CDH18: variants seen among roughly 807,000 people sequenced by gnomAD.
CDH18 encodes the protein cadherin-18.
A neutral mutation model predicts 67.9 loss-of-function variants in CDH18; 31 were observed. That is an observed-to-expected ratio of 0.46 (90% CI 0.34 to 0.62). The LOEUF is 0.62. Ranked by LOEUF, CDH18 falls within the 20% of genes least tolerant of loss-of-function variation. The pLI, the probability that CDH18 is intolerant of heterozygous loss-of-function variation, is 0.01. For missense variants in CDH18, 890 were observed against 975.5 expected (o/e 0.91, Z 1.17); for synonymous variants, 362 against 347.2 (o/e 1.04, Z -0.48).
At chr5:19,963,665 C>T (rs1339223676) in intron 2 of CDH18, among the ~76,000 whole-genome samples, 1 of 152,084 alleles carries the variant, frequency 6.6e-6, no homozygotes, top group African/African-American at 2.4e-5. Flanking sequence ...GCCTCCCCAG[C>T]CATGCTGAAC....
At chr5:20,440,144 C>A (rs1441746936) in intron 1 of CDH18, among the ~76,000 whole-genome samples, 1 of 151,922 alleles carries the variant, frequency 6.6e-6, no homozygotes, top group Admixed American at 6.6e-5. Context: ...GAAGGATATT[C>A]ATTCAACAAC....
chr5:19,853,122 A>G (rs1003248498), intron 2 of CDH18, among the ~76,000 whole-genome samples: 1 of 152,096 alleles, frequency 6.6e-6, no homozygotes, highest in African/African-American at 2.4e-5. Context: ...GGTGGCTTAA[A>G]TAACAGAAAT....
chr5:19,826,271 G>C (rs1246052146), intron 3 of CDH18, among the ~76,000 whole-genome samples: 3 of 152,108 alleles, frequency 2.0e-5, no homozygotes, highest in African/African-American at 4.8e-5. Context: ...CGCTGAAAGA[G>C]AGGAAGAGAA....
intron 7 of CDH18, among the ~76,000 whole-genome samples, chr5:19,573,781 A>T (rs1741854883): frequency 6.6e-6 from 1 of 152,216 alleles, no homozygotes; most frequent in East Asian, 1.9e-4. Flanking sequence ...CTCTTGGCTT[A>T]TAAGAGCTGG....
rs552377832 is a variant in CDH18 at position 20,121,833 on chromosome 5, T to G, written c.-517-129819A>C. ...TTCTGTTAGTAAGCTGCTGCAAAAT[T>G]TTCTGAAAAATAAAAGTAGCTCAAA... On this transcript the variant is annotated intron_variant, in intron 2 of 14. Transcript: ENST00000507958. Among the ~76,000 whole-genome samples, 49 of 152,190 alleles carry G rather than the reference T, an allele frequency of 3.2e-4. 1 individual carries two copies. Among genetic ancestry groups the G allele is most frequent in the Non-Finnish European group, 5.4e-4 (37 of 67,996 alleles).
At chr5:19,538,821 T>A (rs1749804499) in intron 9 of CDH18, among the ~76,000 whole-genome samples, 1 of 152,198 alleles carries the variant, frequency 6.6e-6, no homozygotes. Flanking sequence ...TTTCTCTTGT[T>A]GGCATAAATC....
chr5:19,876,262 C>T (rs776178689), intron 2 of CDH18, among the ~76,000 whole-genome samples: 11 of 152,040 alleles, frequency 7.2e-5, no homozygotes, highest in Non-Finnish European at 1.5e-4. Flanking sequence ...TAACTTGAGT[C>T]TCAGATAAAC....
chr5:20,216,876 A>G (rs1740821654), intron 2 of CDH18, among the ~76,000 whole-genome samples: 1 of 152,020 alleles, frequency 6.6e-6, no homozygotes, highest in Non-Finnish European at 1.5e-5. Flanking sequence ...AAAAGCAGAA[A>G]GAGCAAGAGC....
At chr5:19,914,585 T>G (rs1397744517) in intron 2 of CDH18, among the ~76,000 whole-genome samples, 1 of 152,122 alleles carries the variant, frequency 6.6e-6, no homozygotes, top group African/African-American at 2.4e-5. Flanking sequence ...AGTGTATATG[T>G]ATATATCCAC....
At chr5:19,668,345 A>G (rs543235170) in intron 5 of CDH18, among the ~76,000 whole-genome samples, 1 of 150,942 alleles carries the variant, frequency 6.6e-6, no homozygotes, top group Non-Finnish European at 1.5e-5. Flanking sequence ...TAAAGTCCTC[A>G]TTAATAGTCT....
intron 1 of CDH18, among the ~76,000 whole-genome samples, chr5:20,352,442 CT>C (rs1741264795): frequency 6.6e-6 from 1 of 151,852 alleles, no homozygotes; most frequent in African/African-American, 2.4e-5. Flanking sequence ...GTTGAAAGGT[CT>C]ACTATGATTA....
At position 20,319,603 on chromosome 5, in the gene CDH18, C is replaced by G. The variant is rs548805236; in HGVS notation, c.-579-64098G>C. On this transcript the variant is annotated intron_variant, in intron 1 of 14. Coordinates refer to the CDH18 transcript ENST00000507958. Reference sequence around the variant, plus strand: ...ATTTTTAGGGATTTAGCTTGCATAACCACAAAACATGTTAATCTTGATGAA... The same window carrying G: ...ATTTTTAGGGATTTAGCTTGCATAAGCACAAAACATGTTAATCTTGATGAA... Among the ~76,000 whole-genome samples, 6 of 152,190 alleles carry G rather than the reference C, an allele frequency of 3.9e-5. No homozygotes were observed. In the South Asian group the frequency reaches 1.2e-3, roughly 32 times the overall value.
At chr5:20,004,010 T>C (rs1162368121) in intron 2 of CDH18, among the ~76,000 whole-genome samples, 1 of 152,196 alleles carries the variant, frequency 6.6e-6, no homozygotes, top group South Asian at 2.1e-4. Context: ...TAATATATCG[T>C]TTTTTGTATC....
chr5:19,888,624 A>T (rs1365102967), intron 2 of CDH18, among the ~76,000 whole-genome samples: 4 of 152,120 alleles, frequency 2.6e-5, no homozygotes, highest in African/African-American at 9.6e-5. Context: ...AAATCTGCTA[A>T]AATTATTTAC....
At chr5:19,988,797 T>C (rs940645415), upstream of CDH18, among the ~76,000 whole-genome samples, 3 of 152,120 alleles carry the variant, frequency 2.0e-5, no homozygotes, top group African/African-American at 4.8e-5. Context: ...CATAGTCCAG[T>C]GGTAGCCATG....
At chr5:20,427,585 T>C (rs1391174328) in intron 1 of CDH18, among the ~76,000 whole-genome samples, 2 of 151,162 alleles carry the variant, frequency 1.3e-5, no homozygotes, top group Non-Finnish European at 2.9e-5. Context: ...CTTGGTGAAT[T>C]TTTTGAGCAC....
chr5:19,555,132 C>G (rs922838617), intron 8 of CDH18, among the ~76,000 whole-genome samples: 2 of 152,114 alleles, frequency 1.3e-5, no homozygotes, highest in African/African-American at 2.4e-5. Flanking sequence ...ATGACTAGAG[C>G]CAGGGAAAAT....
At chr5:19,657,884 T>TA (rs1036663680) in intron 5 of CDH18, among the ~76,000 whole-genome samples, 1 of 152,132 alleles carries the variant, frequency 6.6e-6, no homozygotes, top group African/African-American at 2.4e-5. Flanking sequence ...AGTTTGCCTT[T>TA]AGGAACTGTG....
intron 2 of CDH18, among the ~76,000 whole-genome samples, chr5:19,966,724 C>G (rs1350101895): frequency 6.6e-6 from 1 of 151,724 alleles, no homozygotes; most frequent in Non-Finnish European, 1.5e-5. Flanking sequence ...TTATTATTTT[C>G]AAGAGTTATA....
Sources: gnomAD v4.1 joint callset for allele counts (sites outside exome capture counted in the v4.1 genomes callset) on GRCh38, gnomAD v4.1.1 for gene constraint, MANE v1.5 for transcripts, NCBI Gene and HGNC (gene_info 2026-07-23, HGNC 2026-07-21) for gene names.